Variants in RPS6KA3 observed in about 807,000 individuals in gnomAD.
The protein encoded by RPS6KA3 is ribosomal protein S6 kinase A3, also known as ribosomal protein S6 kinase alpha-3.
RPS6KA3 carries 4 observed loss-of-function variants against 67.2 expected under a neutral mutation model. The observed-to-expected ratio is 0.06, with a 90% CI of 0.03 to 0.14. RPS6KA3 has a LOEUF of 0.14. Ranked by LOEUF, RPS6KA3 falls within the 10% of genes least tolerant of loss-of-function variation. The pLI is 1.00. For synonymous variants in RPS6KA3, 182 were observed against 183.7 expected (o/e 0.99, Z 0.07); for missense variants, 204 against 559.0 (o/e 0.36, Z 6.40).
chrX:20,224,030 T>TA (rs2148764231), intron 2 of RPS6KA3, among the ~76,000 whole-genome samples: 1 of 112,057 alleles, frequency 8.9e-6, no homozygotes, highest in South Asian at 3.7e-4. Flanking sequence ...ACATTTAAGA[T>TA]ACTACTATAT....
intron 2 of RPS6KA3, among the ~76,000 whole-genome samples, chrX:20,218,293 A>C (rs901097578): frequency 8.9e-6 from 1 of 112,243 alleles, no homozygotes; most frequent in African/African-American, 3.2e-5. Flanking sequence ...TTACTTGCTT[A>C]AAGTTACTTA....
At chrX:20,200,821 G>A (rs1043995359) in intron 4 of RPS6KA3, among the ~76,000 whole-genome samples, 1 of 110,687 alleles carries the variant, frequency 9.0e-6, no homozygotes, top group African/African-American at 3.3e-5. Flanking sequence ...CAGCTGGGAC[G>A]ACAGGCACAC....
intron 2 of RPS6KA3, among the ~76,000 whole-genome samples, chrX:20,228,597 A>G (rs1603430028): frequency 9.0e-6 from 1 of 110,822 alleles, no homozygotes. Flanking sequence ...AGGATCTAGA[A>G]ACTCTTTATA....
intron 4 of RPS6KA3, among the ~76,000 whole-genome samples, chrX:20,201,976 CTTTTTT>C (rs1282039865): frequency 2.4e-5 from 2 of 82,761 alleles, no homozygotes; most frequent in Non-Finnish European, 4.9e-5. Context: ...TTTCTTTTTT[CTTTTTT>C]TTTTTTTTTT....
chrX:20,228,020 T>C (rs1168700311), intron 2 of RPS6KA3, among the ~76,000 whole-genome samples: 1 of 112,007 alleles, frequency 8.9e-6, no homozygotes, highest in East Asian at 2.8e-4. Context: ...GTAAATGTTC[T>C]ACTAAAATAC....
At chrX:20,171,643 T>C (rs1159476117) in intron 15 of RPS6KA3, among the ~76,000 whole-genome samples, 1 of 111,458 alleles carries the variant, frequency 9.0e-6, no homozygotes, top group African/African-American at 3.3e-5. Context: ...AATCCACAAA[T>C]AGCTTGGAGA....
At chrX:20,256,735 CTG>C (rs1231845501) in intron 1 of RPS6KA3, among the ~76,000 whole-genome samples, 1 of 112,086 alleles carries the variant, frequency 8.9e-6, no homozygotes, top group Non-Finnish European at 1.9e-5. Flanking sequence ...TACTTAAGCA[CTG>C]TCTCTATTGT....
At chrX:20,258,858 A>G (rs1422503932) in intron 1 of RPS6KA3, among the ~76,000 whole-genome samples, 1 of 112,071 alleles carries the variant, frequency 8.9e-6, no homozygotes, top group Non-Finnish European at 1.9e-5. Flanking sequence ...ACAACAGAAA[A>G]GGACTCACAA....
chrX:20,254,336 G>A (rs1482923182), intron 1 of RPS6KA3, among the ~76,000 whole-genome samples: 1 of 111,828 alleles, frequency 8.9e-6, no homozygotes, highest in Non-Finnish European at 1.9e-5. Flanking sequence ...GAGACTCTAA[G>A]GAAAAATATC....
At chrX:20,183,655 T>A (rs2067900494) in intron 10 of RPS6KA3, among the ~76,000 whole-genome samples, 2 of 112,248 alleles carry the variant, frequency 1.8e-5, no homozygotes, top group African/African-American at 6.5e-5. Context: ...TTATCTTAGT[T>A]ACTGTTATAA....
intron 1 of RPS6KA3, among the ~76,000 whole-genome samples, chrX:20,247,353 C>T (rs1318129501): frequency 2.7e-5 from 3 of 111,066 alleles, no homozygotes; most frequent in Non-Finnish European, 5.7e-5. Flanking sequence ...TCACTTGAGC[C>T]CGGGAGGCAG....
chrX:20,234,085 T>C (rs2148783496), intron 2 of RPS6KA3, among the ~76,000 whole-genome samples: 1 of 112,607 alleles, frequency 8.9e-6, no homozygotes, highest in South Asian at 3.7e-4. Context: ...AAATGGTGAA[T>C]GTCCACTTTC....
intron 2 of RPS6KA3, among the ~76,000 whole-genome samples, chrX:20,226,706 G>A (rs764099001): frequency 5.2e-4 from 58 of 112,023 alleles, no homozygotes; most frequent in Non-Finnish European, 9.6e-4. Flanking sequence ...TTCAAGGCTT[G>A]TAATGAGAAA....
chrX:20,193,150 C>T (rs1382557582), intron 7 of RPS6KA3, among the ~76,000 whole-genome samples: 1 of 110,834 alleles, frequency 9.0e-6, no homozygotes, highest in Non-Finnish European at 1.9e-5. Flanking sequence ...TGTTGGCAGG[C>T]GCCCGTAATC....
chrX:20,200,986 A>G (rs1038368686), intron 4 of RPS6KA3, among the ~76,000 whole-genome samples: 9 of 110,222 alleles, frequency 8.2e-5, no homozygotes, highest in Non-Finnish European at 1.1e-4. Context: ...CCTGGTCACA[A>G]TTCCTCTAGT....
chrX:20,174,158 A>T (rs896062266), intron 14 of RPS6KA3, among the ~76,000 whole-genome samples: 4 of 110,648 alleles, frequency 3.6e-5, no homozygotes, highest in African/African-American at 1.3e-4. Flanking sequence ...GTATTATCTG[A>T]CCCTTCACAG....
At chrX:20,249,968 A>G (rs1004904403) in intron 1 of RPS6KA3, among the ~76,000 whole-genome samples, 1 of 112,060 alleles carries the variant, frequency 8.9e-6, no homozygotes, top group Admixed American at 9.5e-5. Flanking sequence ...TGTTTTACCT[A>G]TAGGTGTGCA....
Position 20,155,196 on chromosome X carries a change from G to T in RPS6KA3, c.*202C>A. The T allele has an allele frequency of 2.1e-6, 1 of 468,129 alleles. No individual in the cohort carries two copies. 38.6% of individuals were successfully genotyped at this position (468,129 alleles called of 1,213,427 possible). A position where few individuals can be genotyped will look rare whatever the true frequency, so the allele number is the denominator to read the frequency against. On this transcript the variant is annotated 3_prime_UTR_variant, in exon 22 of 22. Coordinates refer to ENST00000379565, the MANE Select transcript of RPS6KA3 (RefSeq NM_004586.3). ...TCATGTTTCCATTTTCATTTCTTCCGAAGCTCCAGGAAAATCTAACTTGCT... is the reference window on the plus strand; with the variant it reads ...TCATGTTTCCATTTTCATTTCTTCCTAAGCTCCAGGAAAATCTAACTTGCT...
chrX:20,176,207 A>T, intron 13 of RPS6KA3, 43 bp downstream of exon 13: 1 of 858,379 alleles, frequency 1.2e-6, no homozygotes, highest in Non-Finnish European at 1.7e-6. Flanking sequence ...AGAAAAAAAC[A>T]TATTTGTTGT....
Sources: allele counts gnomAD v4.1 joint callset (sites outside exome capture counted in the v4.1 genomes callset), GRCh38; gene constraint gnomAD v4.1.1; transcripts MANE v1.5; gene names NCBI Gene and HGNC (gene_info 2026-07-23, HGNC 2026-07-21).